The following CDH19 variants were observed in gnomAD, a reference collection of about 807,000 sequenced individuals.
CDH19 encodes the protein cadherin 19.
CDH19 carries 67 observed loss-of-function variants against 64.2 expected under a neutral mutation model. That is an observed-to-expected ratio of 1.04 (90% CI 0.86 to 1.28). The LOEUF (loss-of-function observed/expected upper bound fraction) is 1.28. CDH19 is among the 50% of genes most tolerant of loss of function. The pLI is 0.00. For synonymous variants in CDH19, 346 were observed against 319.3 expected, an observed-to-expected ratio of 1.08 and a Z score of -0.89; for missense variants, 1,030 against 929.0, an observed-to-expected ratio of 1.11 and a Z score of -1.41.
intron 5 of CDH19, among the ~76,000 whole-genome samples, chr18:66,545,136 G>T (rs1241478232): frequency 6.6e-6 from 1 of 151,670 alleles, no homozygotes; most frequent in Non-Finnish European, 1.5e-5. Context: ...CCACCACCAC[G>T]CCCGGCTAAT....
intron 1 of CDH19, among the ~76,000 whole-genome samples, chr18:66,585,782 G>A (rs973461027): frequency 6.6e-6 from 1 of 151,880 alleles, no homozygotes; most frequent in Non-Finnish European, 1.5e-5. Context: ...TGTTCCACAT[G>A]TATTTTCAAA....
rs968172014 is a variant in CDH19, at chr18:66,554,024, T to C, written c.610+381A>G. Among the ~76,000 whole-genome samples the C allele has an allele frequency of 2.6e-5, 4 of 151,952 alleles. 1 individual carries two copies. The highest frequency in any genetic ancestry group is 6.6e-5 in the Admixed American group (1 of 15,202). On this transcript the variant is annotated intron_variant, in intron 4 of 11. Coordinates refer to ENST00000262150, the MANE Select transcript of CDH19 (RefSeq NM_021153.4). ...TATTTCATTGTGGTTTTAGTTTGTATTCCCTGATGACTAATGAGGCTGAGC... is the reference window on the plus strand; with the variant it reads ...TATTTCATTGTGGTTTTAGTTTGTACTCCCTGATGACTAATGAGGCTGAGC...
At position 66,544,848 on chromosome 18, in the gene CDH19, T is replaced by C; in HGVS notation, c.831A>G (p.Thr277=). Reference sequence around the variant, plus strand: ...CTATGTCATTATCATATGCCATGATTGTTCCTATAGAAGTCCCAGTGGGTG... The same window carrying C: ...CTATGTCATTATCATATGCCATGATCGTTCCTATAGAAGTCCCAGTGGGTG... The part of the protein sequence containing the change: ...ESAPTGTSIG[T]IMAYDNDIGE... The change falls in exon 6 of 12, where the codon ACA becomes ACG. Residue 277 remains threonine (T), a synonymous_variant. Transcript: ENST00000262150. 1 of 1,613,160 alleles carries C rather than the reference T, an allele frequency of 6.2e-7. No individual in the cohort carries two copies. Among genetic ancestry groups the C allele is most frequent in the East Asian group, 2.2e-5 (1 of 44,838 alleles).
chr18:66,538,258 A>G (rs1986750951), intron 7 of CDH19, among the ~76,000 whole-genome samples: 1 of 152,086 alleles, frequency 6.6e-6, no homozygotes. Context: ...TTATTTGTCT[A>G]TAATATAATA....
At chr18:66,563,141 A>T (rs1987783751) in intron 3 of CDH19, among the ~76,000 whole-genome samples, 1 of 152,082 alleles carries the variant, frequency 6.6e-6, no homozygotes, top group Non-Finnish European at 1.5e-5. Flanking sequence ...ACTAATTTAG[A>T]TATTATGTAA....
intron 1 of CDH19, among the ~76,000 whole-genome samples, chr18:66,593,028 G>C (rs978043208): frequency 6.6e-6 from 1 of 151,728 alleles, no homozygotes; most frequent in African/African-American, 2.4e-5. Context: ...CAGCAACAAT[G>C]AAGGAGTTCC....
At chr18:66,535,864 A>C (rs1986647741) in intron 7 of CDH19, among the ~76,000 whole-genome samples, 1 of 147,320 alleles carries the variant, frequency 6.8e-6, no homozygotes, top group East Asian at 2.0e-4. Flanking sequence ...GTATATATGT[A>C]TGTGATATAT....
chr18:66,599,779 T>G (rs2144647685), intron 1 of CDH19, among the ~76,000 whole-genome samples: 1 of 152,104 alleles, frequency 6.6e-6, no homozygotes, highest in East Asian at 1.9e-4. Flanking sequence ...ATAAATAAAT[T>G]TCTACTTTTT....
At chr18:66,602,523 A>G (rs1000779124) in intron 1 of CDH19, among the ~76,000 whole-genome samples, 1 of 151,938 alleles carries the variant, frequency 6.6e-6, no homozygotes, top group African/African-American at 2.4e-5. Context: ...AAAACAAAAC[A>G]AAAAATATAA....
chr18:66,547,512 A>G (rs562523331), intron 5 of CDH19, among the ~76,000 whole-genome samples: 1 of 152,124 alleles, frequency 6.6e-6, no homozygotes, highest in South Asian at 2.1e-4. Flanking sequence ...TAATTCTTCA[A>G]ACAGTGGTGT....
At chr18:66,542,313 CT>C (rs933541314) in intron 7 of CDH19, among the ~76,000 whole-genome samples, 2 of 151,958 alleles carry the variant, frequency 1.3e-5, no homozygotes, top group Non-Finnish European at 2.9e-5. Flanking sequence ...TTAAATTGAG[CT>C]TTTTCATTGA....
intron 10 of CDH19, among the ~76,000 whole-genome samples, chr18:66,510,962 T>C (rs1371471827): frequency 1.3e-5 from 2 of 151,616 alleles, no homozygotes; most frequent in African/African-American, 4.8e-5. Context: ...ACAAAAAGTA[T>C]CTCTTACTGA....
In CDH19 at chr18:66,508,984, C is replaced by A. The variant is rs748587721; in HGVS notation, c.1828+11G>T. The A allele has an allele frequency of 6.2e-6, 10 of 1,602,324 alleles. No homozygotes were observed. The African/African-American group carries it at 1.3e-4, about 21-fold the overall frequency. On this transcript the variant is annotated intron_variant, in intron 11 of 11. Coordinates refer to ENST00000262150, the MANE Select transcript of CDH19 (RefSeq NM_021153.4). ...ATGCAAATGAGAATAGCAATGATGA[C>A]TTCTACCTACCAAATATGATCATAA...
intron 1 of CDH19, among the ~76,000 whole-genome samples, chr18:66,591,003 T>C (rs922320969): frequency 1.3e-5 from 2 of 151,914 alleles, no homozygotes; most frequent in Non-Finnish European, 2.9e-5. Flanking sequence ...AGTTCTCATT[T>C]TGTAACATTA....
intron 7 of CDH19, among the ~76,000 whole-genome samples, chr18:66,535,984 T>G (rs1401588643): frequency 6.7e-6 from 1 of 148,568 alleles, no homozygotes; most frequent in Non-Finnish European, 1.5e-5. Context: ...CTAATGTGCT[T>G]TTAGATTGTG....
chr18:66,535,114 CA>C lies in CDH19; in HGVS notation c.1215-8del. The C allele has an allele frequency of 1.4e-6, 2 of 1,436,636 alleles. No homozygotes were observed. Among genetic ancestry groups the C allele is most frequent in the Non-Finnish European group, 1.9e-6 (2 of 1,062,366 alleles). The allele number at this position is 1,436,636 out of a possible 1,614,324, so 89.0% of individuals were successfully genotyped here. A position where few individuals can be genotyped will look rare whatever the true frequency, so the allele number is the denominator to read the frequency against. On this transcript the variant is annotated splice_region_variant and splice_polypyrimidine_tract_variant and intron_variant, in intron 7 of 11. Transcript: ENST00000262150. ...GCTCCTAGTAATAGAATACCTGAAC[CA>C]AAAGGAAAGTATACCTTAATATTTT...
At chr18:66,585,606 A>G (rs1425062998) in intron 1 of CDH19, among the ~76,000 whole-genome samples, 1 of 152,156 alleles carries the variant, frequency 6.6e-6, no homozygotes, top group Non-Finnish European at 1.5e-5. Flanking sequence ...AGTGAGCTAC[A>G]TGAAAATAGC....
At chr18:66,530,847 G>A (rs1986415475) in intron 8 of CDH19, among the ~76,000 whole-genome samples, 1 of 152,130 alleles carries the variant, frequency 6.6e-6, no homozygotes, top group Admixed American at 6.5e-5. Context: ...AATGTCTGCA[G>A]CATCCCTCCC....
chr18:66,597,887 T>C (rs902489406), intron 1 of CDH19, among the ~76,000 whole-genome samples: 1 of 152,016 alleles, frequency 6.6e-6, no homozygotes, highest in African/African-American at 2.4e-5. Context: ...CACCTGGGCC[T>C]GTCATGGGGT....
Sources: gnomAD v4.1 joint callset for allele counts (sites outside exome capture counted in the v4.1 genomes callset) on GRCh38, gnomAD v4.1.1 for gene constraint, MANE v1.5 for transcripts, NCBI Gene and HGNC (gene_info 2026-07-23, HGNC 2026-07-21) for gene names.